PRIM2: variants seen among roughly 807,000 people sequenced by gnomAD.
PRIM2 encodes the protein DNA primase subunit 2, also known as DNA primase large subunit.
In PRIM2, 39 loss-of-function variants were observed where a neutral mutation model predicts 67.3. The observed-to-expected ratio is 0.58, with a 90% CI of 0.45 to 0.76. The LOEUF (loss-of-function observed/expected upper bound fraction) is 0.76. Among genes scored for constraint, PRIM2 ranks in the 30% least tolerant of loss-of-function variants. The pLI, the probability that PRIM2 is intolerant of heterozygous loss-of-function variation, is 0.00. For synonymous variants in PRIM2, 143 were observed against 198.7 expected (o/e 0.72, Z 2.36); for missense variants, 398 against 598.7 (o/e 0.66, Z 3.50).
the PRIM2 span, among the ~76,000 whole-genome samples, chr6:57,300,335 T>C: frequency 6.6e-6 from 1 of 152,198 alleles, no homozygotes; most frequent in Non-Finnish European, 1.5e-5. Flanking sequence ...TCAGCTCCTC[T>C]GCATGAGAGC....
chr6:57,558,262 G>T (rs1775554997), intron 10 of PRIM2, among the ~76,000 whole-genome samples: 1 of 152,134 alleles, frequency 6.6e-6, no homozygotes, highest in Non-Finnish European at 1.5e-5. Context: ...CCTCCCCTAA[G>T]TTCTTATTTA....
rs1554346062 is a variant in PRIM2, at chr6:57,492,502, C to T, written c.694-14885C>T. 2.4e-3 allele frequency among the ~76,000 whole-genome samples: 362 copies of T among 151,294 alleles called. 5 individuals carry two copies. Among genetic ancestry groups the T allele is most frequent in the Admixed American group, 0.017 (262 of 15,236 alleles). ...AGGCTGCAGTGAGCCCAGATTATGC[C>T]ACTGCACTCCAGCCTGGGCGACAGA... On this transcript the variant is annotated intron_variant, in intron 7 of 13. Coordinates refer to ENST00000615550, the MANE Select transcript of PRIM2 (RefSeq NM_000947.5).
the PRIM2 span, among the ~76,000 whole-genome samples, chr6:57,291,014 A>T: frequency 6.6e-6 from 1 of 152,186 alleles, no homozygotes; most frequent in African/African-American, 2.4e-5. Context: ...GCAGAACTGA[A>T]GGAGATAGAG....
At chr6:57,605,981 C>T (rs1353552479) in intron 11 of PRIM2, among the ~76,000 whole-genome samples, 4 of 151,862 alleles carry the variant, frequency 2.6e-5, no homozygotes, top group African/African-American at 9.7e-5. Context: ...ATCTATCTTC[C>T]TTCTCTCATA....
chr6:57,253,356 A>G, the PRIM2 span, among the ~76,000 whole-genome samples: 3 of 152,228 alleles, frequency 2.0e-5, no homozygotes, highest in Admixed American at 2.0e-4. Flanking sequence ...GTGCAAGACT[A>G]TAAACTATGG....
At chr6:57,242,861 T>C in the PRIM2 span, among the ~76,000 whole-genome samples, 1 of 152,242 alleles carries the variant, frequency 6.6e-6, no homozygotes, top group Non-Finnish European at 1.5e-5. Context: ...GCCTTGAGTT[T>C]TGTGCTTCAG....
chr6:57,525,104 A>G (rs1206181090), intron 8 of PRIM2, among the ~76,000 whole-genome samples: 1 of 150,800 alleles, frequency 6.6e-6, no homozygotes, highest in Non-Finnish European at 1.5e-5. Flanking sequence ...TCTCTAACCT[A>G]ACCTCTTCAT....
chr6:57,374,652 G>A (rs577928041), intron 5 of PRIM2, among the ~76,000 whole-genome samples: 56 of 151,924 alleles, frequency 3.7e-4, no homozygotes, highest in African/African-American at 9.2e-4. Flanking sequence ...CTGCAGTGGC[G>A]CGATCTCAGC....
At chr6:57,494,303 T>TA (rs1362535983) in intron 7 of PRIM2, among the ~76,000 whole-genome samples, 15 of 152,320 alleles carry the variant, frequency 9.8e-5, no homozygotes, top group African/African-American at 3.1e-4. Flanking sequence ...AGGCAGTTGT[T>TA]ATAATAGCTA....
At chr6:57,334,666 TAA>T (rs1768162945) in intron 5 of PRIM2, among the ~76,000 whole-genome samples, 1 of 151,874 alleles carries the variant, frequency 6.6e-6, no homozygotes, top group African/African-American at 2.4e-5. Context: ...CTCAAAGAAA[TAA>T]GAGGATAATA....
rs1178931886 is a variant in PRIM2, at chr6:57,410,510, T to C, written c.693+28342T>C. On this transcript the variant is annotated intron_variant, in intron 7 of 13. Coordinates refer to ENST00000615550, the MANE Select transcript of PRIM2 (RefSeq NM_000947.5). ...CAGTATCACTCTGTCTTGATTATTG[T>C]AGCTTTATAATAAGTTTTGAAATTA... 4.1e-4 allele frequency among the ~76,000 whole-genome samples: 62 copies of C among 152,256 alleles called. 1 individual carries two copies. The highest frequency in any genetic ancestry group is 1.1e-3 in the African/African-American group (45 of 41,556).
chr6:57,246,689 G>A, the PRIM2 span, among the ~76,000 whole-genome samples: 1 of 152,096 alleles, frequency 6.6e-6, no homozygotes, highest in Non-Finnish European at 1.5e-5. Flanking sequence ...CAACCAGCTC[G>A]AACAGGGAGG....
intron 5 of PRIM2, among the ~76,000 whole-genome samples, chr6:57,352,792 CT>C (rs1452875856): frequency 6.6e-6 from 1 of 151,650 alleles, no homozygotes; most frequent in African/African-American, 2.4e-5. Context: ...AGCCAAAGCA[CT>C]GTACTATAAT....
At chr6:57,289,251 G>T in the PRIM2 span, among the ~76,000 whole-genome samples, 1 of 152,110 alleles carries the variant, frequency 6.6e-6, no homozygotes, top group African/African-American at 2.4e-5. Flanking sequence ...GAGAAGATTA[G>T]AGAAAAAAGA....
chr6:57,610,772 C>G (rs1776653299), intron 12 of PRIM2, among the ~76,000 whole-genome samples: 1 of 152,178 alleles, frequency 6.6e-6, no homozygotes, highest in South Asian at 2.1e-4. Flanking sequence ...TTGGAGACTT[C>G]AGCACTCCTC....
At chr6:57,581,800 C>G (rs1776088169) in intron 10 of PRIM2, among the ~76,000 whole-genome samples, 1 of 152,096 alleles carries the variant, frequency 6.6e-6, no homozygotes, top group Admixed American at 6.5e-5. Context: ...ACCCTATGAA[C>G]ATACAGTCCA....
chr6:57,508,080 G>A (rs1554347371), intron 8 of PRIM2, among the ~76,000 whole-genome samples: 5 of 152,128 alleles, frequency 3.3e-5, no homozygotes, highest in Non-Finnish European at 5.9e-5. Context: ...AGGATTACAG[G>A]TGTGGGGCAC....
intron 7 of PRIM2, among the ~76,000 whole-genome samples, chr6:57,432,747 A>C (rs528708878): frequency 6.6e-6 from 1 of 152,338 alleles, no homozygotes; most frequent in African/African-American, 2.4e-5. Flanking sequence ...CCTGTAGAAC[A>C]TTGAAGAACT....
intron 8 of PRIM2, among the ~76,000 whole-genome samples, chr6:57,513,571 G>A (rs1774413459): frequency 6.6e-6 from 1 of 152,122 alleles, no homozygotes; most frequent in African/African-American, 2.4e-5. Context: ...AGTGCATTGG[G>A]GGACAGCATA....
Sources: allele counts gnomAD v4.1 joint callset (sites outside exome capture counted in the v4.1 genomes callset), GRCh38; gene constraint gnomAD v4.1.1; transcripts MANE v1.5; gene names NCBI Gene and HGNC (gene_info 2026-07-23, HGNC 2026-07-21).